The following LRBA variants were observed in gnomAD, a reference collection of about 807,000 sequenced individuals.
LRBA encodes lipopolysaccharide-responsive and beige-like anchor protein.
Under a neutral mutation model 330.0 loss-of-function variants are expected in LRBA, and 176 were observed. The ratio of observed to expected loss-of-function variants is 0.53; its 90% CI spans 0.47 to 0.60. The LOEUF is 0.60. LRBA is among the 20% of genes least tolerant of loss of function. LRBA has a pLI of 0.00. For missense variants in LRBA, 3,259 were observed against 3,444.8 expected (o/e 0.95, Z 1.35); for synonymous variants, 1,230 against 1,193.0 (o/e 1.03, Z -0.64).
intron 40 of LRBA, among the ~76,000 whole-genome samples, chr4:150,550,009 G>A (rs530626116): frequency 6.4e-4 from 97 of 152,220 alleles, no homozygotes; most frequent in African/African-American, 2.0e-3. Context: ...CACATAGTGT[G>A]TAAATAAAAA....
At chr4:150,327,006 C>T (rs893769373) in intron 48 of LRBA, among the ~76,000 whole-genome samples, 36 of 151,930 alleles carry the variant, frequency 2.4e-4, no homozygotes, top group African/African-American at 8.5e-4. Flanking sequence ...CAAGAACAAG[C>T]TTGAGAAAAA....
intron 36 of LRBA, among the ~76,000 whole-genome samples, chr4:150,707,808 TAGAC>T (rs1449750510): frequency 6.6e-6 from 1 of 151,724 alleles, no homozygotes; most frequent in Non-Finnish European, 1.5e-5. Context: ...ATATGATAAT[TAGAC>T]AGAGGCATGA....
chr4:150,457,085 T>TA (rs1236137533), intron 44 of LRBA, among the ~76,000 whole-genome samples: 1 of 152,168 alleles, frequency 6.6e-6, no homozygotes, highest in Non-Finnish European at 1.5e-5. Context: ...TCCTCTAAAT[T>TA]AAAAAAACTA....
intron 47 of LRBA, among the ~76,000 whole-genome samples, chr4:150,409,842 A>C (rs528674602): frequency 4.6e-5 from 7 of 152,118 alleles, no homozygotes; most frequent in Non-Finnish European, 8.8e-5. Context: ...AAACCAAACA[A>C]TAGTAATTTT....
rs529220494 is a variant in LRBA at position 150,772,628 on chromosome 4, G to C, written c.5581-10781C>G. On this transcript the variant is annotated intron_variant, in intron 34 of 56. Coordinates refer to ENST00000651943, the MANE Select transcript of LRBA (RefSeq NM_001364905.1). ...CAGGCCAAGAGTTGTTTCTCAAAAG[G>C]AGAATATTTGTCTGGGAAGGATGTC... Among the ~76,000 whole-genome samples the C allele has an allele frequency of 5.3e-5, 8 of 152,256 alleles. No individual in the cohort carries two copies. In the South Asian group the frequency reaches 1.7e-3, roughly 32 times the overall value.
chr4:150,892,319 C>G (rs1729553715), intron 17 of LRBA, among the ~76,000 whole-genome samples: 1 of 152,090 alleles, frequency 6.6e-6, no homozygotes, highest in Admixed American at 6.5e-5. Context: ...TGTTGAAGCC[C>G]TATCATTAGT....
chr4:150,829,636 C>T (rs1190683485), intron 29 of LRBA, among the ~76,000 whole-genome samples: 1 of 152,166 alleles, frequency 6.6e-6, no homozygotes, highest in Non-Finnish European at 1.5e-5. Context: ...TCCTTCACCT[C>T]TTTTTCTCCC....
At chr4:150,836,962 T>G (rs1748198979) in intron 28 of LRBA, among the ~76,000 whole-genome samples, 1 of 152,192 alleles carries the variant, frequency 6.6e-6, no homozygotes, top group African/African-American at 2.4e-5. Flanking sequence ...ACACACTGCT[T>G]TAAATGTGTC....
chr4:150,604,376 C>G (rs898353796), intron 37 of LRBA, among the ~76,000 whole-genome samples: 1 of 150,672 alleles, frequency 6.6e-6, no homozygotes, highest in Non-Finnish European at 1.5e-5. Flanking sequence ...TGAACTCTAG[C>G]CTGGCTGACA....
chr4:150,296,425 T>A lies in LRBA; in HGVS notation c.8017+6200A>T, dbSNP rs192406838. 3.6e-3 allele frequency among the ~76,000 whole-genome samples: 544 copies of A among 152,264 alleles called. 3 individuals are homozygous for A. Among genetic ancestry groups the A allele is most frequent in the Middle Eastern group, 6.8e-3 (2 of 294 alleles). ...ATAAAAACACTTCAAATCCAAAATC[T>A]GAAGTCTTATCAAACACATTCATTT... On this transcript the variant is annotated intron_variant, in intron 53 of 56. Transcript: ENST00000651943.
intron 47 of LRBA, among the ~76,000 whole-genome samples, chr4:150,356,037 T>C (rs1223629859): frequency 4.6e-5 from 7 of 152,080 alleles, no homozygotes; most frequent in Admixed American, 4.6e-4. Context: ...TTAACATTGA[T>C]ATATGACCTT....
chr4:150,851,021 G>A, intron 23 of LRBA, 119 bp from the exon 24 acceptor site: 1 of 625,846 alleles, frequency 1.6e-6, no homozygotes, highest in Non-Finnish European at 2.7e-6. Flanking sequence ...GACACTATAA[G>A]AACCAAATTA....
At chr4:150,380,148 C>G (rs1405621862) in intron 47 of LRBA, among the ~76,000 whole-genome samples, 1 of 150,530 alleles carries the variant, frequency 6.6e-6, no homozygotes, top group East Asian at 1.9e-4. Flanking sequence ...CATTGCACTC[C>G]AGCCTGGGCA....
intron 36 of LRBA, among the ~76,000 whole-genome samples, chr4:150,733,985 G>A (rs899897918): frequency 2.0e-5 from 3 of 152,032 alleles, no homozygotes; most frequent in African/African-American, 7.2e-5. Flanking sequence ...ATTTATATTA[G>A]CTGTATCTTG....
chr4:150,953,386 C>G (rs1334229012), intron 2 of LRBA, among the ~76,000 whole-genome samples: 1 of 147,158 alleles, frequency 6.8e-6, no homozygotes, highest in Non-Finnish European at 1.5e-5. Flanking sequence ...CCTCCCCCCC[C>G]TCTTTGCACG....
intron 37 of LRBA, among the ~76,000 whole-genome samples, chr4:150,618,717 G>A (rs1776006912): frequency 6.6e-6 from 1 of 151,910 alleles, no homozygotes; most frequent in South Asian, 2.1e-4. Context: ...GCAAATATAT[G>A]ACAAGTAAGC....
intron 37 of LRBA, among the ~76,000 whole-genome samples, chr4:150,619,943 C>T (rs1007341593): frequency 1.3e-5 from 2 of 152,046 alleles, no homozygotes; most frequent in African/African-American, 4.8e-5. Context: ...CAACATAGCA[C>T]AAATTGGATA....
At chr4:150,915,978 C>T (rs1420872824) in intron 7 of LRBA, among the ~76,000 whole-genome samples, 1 of 152,026 alleles carries the variant, frequency 6.6e-6, no homozygotes, top group Non-Finnish European at 1.5e-5. Flanking sequence ...CCCCAAAAAT[C>T]TGAAAATCAA....
chr4:150,353,828 T>C (rs572688916), intron 47 of LRBA, among the ~76,000 whole-genome samples: 1 of 152,306 alleles, frequency 6.6e-6, no homozygotes, highest in African/African-American at 2.4e-5. Context: ...GTTACCTTCA[T>C]GAATATACTT....
Sources: allele counts gnomAD v4.1 joint callset (sites outside exome capture counted in the v4.1 genomes callset), GRCh38; gene constraint gnomAD v4.1.1; transcripts MANE v1.5; gene names NCBI Gene and HGNC (gene_info 2026-07-23, HGNC 2026-07-21).